Variants in NEGR1 observed in about 807,000 individuals in gnomAD.
The protein encoded by NEGR1 is neuronal growth regulator 1.
A neutral mutation model predicts 40.9 loss-of-function variants in NEGR1; 10 were observed. The ratio of observed to expected loss-of-function variants is 0.24; its 90% CI spans 0.15 to 0.42. The LOEUF is 0.42. Ranked by LOEUF, NEGR1 falls within the 10% of genes least tolerant of loss-of-function variation. The probability of loss-of-function intolerance (pLI) is 1.00; values close to 1 mark genes in which losing one functional copy is unlikely to be tolerated. For synonymous variants in NEGR1, 185 were observed against 166.8 expected (o/e 1.11, Z -0.84); for missense variants, 352 against 438.9 (o/e 0.80, Z 1.77).
At chr1:72,095,192 A>T (rs1648651977) in intron 1 of NEGR1, among the ~76,000 whole-genome samples, 1 of 151,870 alleles carries the variant, frequency 6.6e-6, no homozygotes, top group African/African-American at 2.4e-5. Context: ...TACATACATT[A>T]GTGGTGACTT....
chr1:71,703,387 A>T (rs1653765178), intron 3 of NEGR1: 1 of 152,072 alleles, frequency 6.6e-6, no homozygotes, highest in African/African-American at 2.4e-5. Context: ...ACTTAACAAC[A>T]TAATGTCCAA....
At chr1:71,460,479 G>A (rs962763586) in intron 6 of NEGR1, among the ~76,000 whole-genome samples, 2 of 152,132 alleles carry the variant, frequency 1.3e-5, no homozygotes, top group Non-Finnish European at 2.9e-5. Flanking sequence ...GCCCTGATGG[G>A]CAATTTTCTT....
chr1:72,185,179 C>T (rs986469533), intron 1 of NEGR1, among the ~76,000 whole-genome samples: 2 of 151,590 alleles, frequency 1.3e-5, no homozygotes, highest in Non-Finnish European at 2.9e-5. Context: ...TCAATTATTG[C>T]TATTATTATT....
chr1:71,615,613 G>C (rs752599300), intron 4 of NEGR1, among the ~76,000 whole-genome samples: 8 of 152,336 alleles, frequency 5.3e-5, no homozygotes, highest in African/African-American at 1.9e-4. Flanking sequence ...ATCATTGCTT[G>C]AGTAGAATAG....
chr1:72,209,300 C>T (rs988217853), intron 1 of NEGR1, among the ~76,000 whole-genome samples: 1 of 151,530 alleles, frequency 6.6e-6, no homozygotes, highest in Non-Finnish European at 1.5e-5. Context: ...GACTCTTTAT[C>T]TCCCAAATAT....
intron 1 of NEGR1, among the ~76,000 whole-genome samples, chr1:72,022,127 C>A (rs1268957450): frequency 6.6e-6 from 1 of 151,032 alleles, no homozygotes; most frequent in Admixed American, 6.6e-5. Flanking sequence ...AGAGGGAGAC[C>A]CCATCTCAGA....
At chr1:72,012,866 C>A (rs1347937599) in intron 1 of NEGR1, among the ~76,000 whole-genome samples, 1 of 104,938 alleles carries the variant, frequency 9.5e-6, no homozygotes. Context: ...TACACACACA[C>A]ATATATATAT....
At position 71,883,724 on chromosome 1, in the gene NEGR1, C is replaced by A. The variant is rs551824911; in HGVS notation, c.409+51355G>T. 2.6e-5 allele frequency among the ~76,000 whole-genome samples: 3 copies of A among 117,230 alleles called. No individual in the cohort carries two copies. The Admixed American group carries it at 3.0e-4, about 12-fold the overall frequency. The allele number at this position is 117,230 out of a possible 152,430, so 76.9% of individuals were successfully genotyped here. On this transcript the variant is annotated intron_variant, in intron 2 of 6. Transcript: ENST00000357731. ...ATTTCTCCTAAGGCTATCCCTCCCC[C>A]CTCCCCCCACCCCACGACAGGCCCT...
intron 6 of NEGR1, chr1:71,439,942 C>G (rs1379633602): frequency 6.6e-6 from 1 of 151,932 alleles, no homozygotes. Context: ...TTTCCTTTTA[C>G]AGACTTCCTT....
chr1:71,848,045 A>G (rs1276657661), intron 2 of NEGR1, among the ~76,000 whole-genome samples: 1 of 152,200 alleles, frequency 6.6e-6, no homozygotes, highest in Non-Finnish European at 1.5e-5. Flanking sequence ...TCGAATAGCC[A>G]CAACAGTCCC....
chr1:72,270,043 G>C (rs2100556800), intron 1 of NEGR1, among the ~76,000 whole-genome samples: 1 of 151,894 alleles, frequency 6.6e-6, no homozygotes, highest in African/African-American at 2.4e-5. Flanking sequence ...TTTAGTAAGA[G>C]TTACAAGATA....
At chr1:71,824,357 TAA>T (rs200928785) in intron 2 of NEGR1, among the ~76,000 whole-genome samples, 1 of 143,218 alleles carries the variant, frequency 7.0e-6, no homozygotes, top group East Asian at 2.0e-4. Flanking sequence ...GATAAGATCA[TAA>T]AAAAAAAAAC....
chr1:71,911,318 T>C (rs1182574917), intron 2 of NEGR1, among the ~76,000 whole-genome samples: 1 of 152,144 alleles, frequency 6.6e-6, no homozygotes, highest in Non-Finnish European at 1.5e-5. Flanking sequence ...TTAAGTGTAG[T>C]ACTGTGGAAA....
chr1:71,593,050 C>T, intron 5 of NEGR1, 82 bp from the exon 6 acceptor site: 2 of 935,814 alleles, frequency 2.1e-6, no homozygotes, highest in Non-Finnish European at 3.4e-6. Context: ...GTTGTCATGG[C>T]AACCCATAGA....
chr1:71,713,585 ATT>A (rs1393475498), intron 3 of NEGR1, among the ~76,000 whole-genome samples: 2 of 152,226 alleles, frequency 1.3e-5, no homozygotes, highest in Non-Finnish European at 2.9e-5. Flanking sequence ...CTGTGCTAAA[ATT>A]AAATCAATCA....
intron 2 of NEGR1, among the ~76,000 whole-genome samples, chr1:71,806,732 GTAGT>G (rs562312403): frequency 4.3e-4 from 65 of 152,086 alleles, no homozygotes; most frequent in South Asian, 2.9e-3. Context: ...TAAAAAGTGG[GTAGT>G]TAATCTCCCC....
chr1:72,072,179 T>C (rs980641405), intron 1 of NEGR1, among the ~76,000 whole-genome samples: 4 of 152,164 alleles, frequency 2.6e-5, no homozygotes, highest in Admixed American at 2.6e-4. Context: ...TCTGAATTTA[T>C]TATATCTTTT....
chr1:71,813,093 T>G (rs1557662080), intron 2 of NEGR1, among the ~76,000 whole-genome samples: 1 of 152,172 alleles, frequency 6.6e-6, no homozygotes, highest in Non-Finnish European at 1.5e-5. Context: ...TAATCCATCT[T>G]GAGTCAATTT....
chr1:71,880,990 G>A (rs1051018582), intron 2 of NEGR1, among the ~76,000 whole-genome samples: 10 of 151,900 alleles, frequency 6.6e-5, no homozygotes, highest in African/African-American at 2.4e-4. Flanking sequence ...ACTCAAAATG[G>A]CAAAAGATGG....
Sources: gnomAD v4.1 joint callset for allele counts (sites outside exome capture counted in the v4.1 genomes callset) on GRCh38, gnomAD v4.1.1 for gene constraint, MANE v1.5 for transcripts, NCBI Gene and HGNC (gene_info 2026-07-23, HGNC 2026-07-21) for gene names.